Variants in PARD3B observed in about 807,000 individuals in gnomAD.
The protein encoded by PARD3B is partitioning defective 3 homolog B.
In PARD3B, 103 loss-of-function variants were observed where a neutral mutation model predicts 130.2. The ratio of observed to expected loss-of-function variants is 0.79; its 90% CI spans 0.67 to 0.93. The LOEUF is 0.93. PARD3B is among the 40% of genes least tolerant of loss of function. The pLI, the probability that PARD3B is intolerant of heterozygous loss-of-function variation, is 0.00. For missense variants in PARD3B, 1,609 were observed against 1,499.2 expected, an observed-to-expected ratio of 1.07 and a Z score of -1.21; for synonymous variants, 583 against 553.2, an observed-to-expected ratio of 1.05 and a Z score of -0.76.
intron 2 of PARD3B, among the ~76,000 whole-genome samples, chr2:204,933,010 A>G (rs769650676): frequency 1.4e-4 from 22 of 151,838 alleles, no homozygotes; most frequent in Non-Finnish European, 2.7e-4. Flanking sequence ...AAAATTCAAG[A>G]CTCCCCAGAC....
chr2:205,067,404 T>C lies in PARD3B; in HGVS notation c.504+19714T>C, dbSNP rs923468669. On this transcript the variant is annotated intron_variant, in intron 4 of 22. Transcript: ENST00000406610. ...GCCTCAAACTCCTGGCCTCAAACCA[T>C]CCTCCTGTCTTGGCCTTCCAAAGCT... Among the ~76,000 whole-genome samples, 3 of 152,202 alleles carry C rather than the reference T, an allele frequency of 2.0e-5. No homozygotes were observed. The East Asian group carries it at 5.8e-4, about 29-fold the overall frequency.
chr2:205,552,807 G>A (rs986933918), intron 21 of PARD3B, among the ~76,000 whole-genome samples: 3 of 152,042 alleles, frequency 2.0e-5, no homozygotes, highest in African/African-American at 7.2e-5. Flanking sequence ...GGGATCCAGG[G>A]ACAGAAAAAT....
At position 204,608,804 on chromosome 2, in the gene PARD3B, A is replaced by C. The variant is rs1574542547; in HGVS notation, c.120+62685A>C. ...AGTGTGATGATATTGGGGAAGCTGCAAGGGTTTTAGTCTTTAAGTTTCTCA... is the reference window on the plus strand; with the variant it reads ...AGTGTGATGATATTGGGGAAGCTGCCAGGGTTTTAGTCTTTAAGTTTCTCA... On this transcript the variant is annotated intron_variant, in intron 1 of 22. Transcript: ENST00000406610. Among the ~76,000 whole-genome samples the C allele has an allele frequency of 2.0e-5, 3 of 152,302 alleles. No homozygotes were observed. The South Asian group carries it at 6.2e-4, about 32-fold the overall frequency.
chr2:204,750,280 C>T (rs909344284), intron 2 of PARD3B, among the ~76,000 whole-genome samples: 1 of 151,950 alleles, frequency 6.6e-6, no homozygotes, highest in Non-Finnish European at 1.5e-5. Context: ...TCTCTTTTTT[C>T]TTTAAAATAT....
chr2:205,264,068 C>T (rs2040414691), intron 16 of PARD3B, among the ~76,000 whole-genome samples: 2 of 150,832 alleles, frequency 1.3e-5, no homozygotes, highest in Admixed American at 6.6e-5. Flanking sequence ...CAAAGCTGAC[C>T]TGAGACTTTG....
intron 18 of PARD3B, among the ~76,000 whole-genome samples, chr2:205,350,638 A>G (rs1473009932): frequency 6.6e-6 from 1 of 152,044 alleles, no homozygotes; most frequent in East Asian, 1.9e-4. Flanking sequence ...ACTTTTAATC[A>G]TATTTTTATG....
intron 1 of PARD3B, among the ~76,000 whole-genome samples, chr2:204,554,652 C>T (rs569714380): frequency 7.9e-5 from 12 of 151,626 alleles, no homozygotes; most frequent in South Asian, 6.3e-4. Flanking sequence ...TTTCTGCCCC[C>T]GAGACTCCCA....
chr2:205,011,808 AC>A lies in PARD3B; in HGVS notation c.395-35772del, dbSNP rs1463430195. Among the ~76,000 whole-genome samples the A allele has an allele frequency of 6.6e-6, 1 of 150,406 alleles. No individual in the cohort carries two copies. The highest frequency in any genetic ancestry group is 2.5e-5 in the African/African-American group (1 of 40,740). On this transcript the variant is annotated intron_variant, in intron 3 of 22. Transcript: ENST00000406610. The surrounding 1 kb of genome is among the most constrained non-coding windows in gnomAD (Gnocchi z 4.1). ...TTAGTTTTCTGGGTTTTTTTTTTTT[AC>A]AACCATGCATCACACTCAGCCTCTG... is the stretch of plus-strand genomic sequence containing the variant.
At position 205,301,736 on chromosome 2, in the gene PARD3B, A is replaced by AT; in HGVS notation, c.2630+39dup. The stretch of plus-strand genomic sequence containing the variant: ...TGCTTTGAAGGCAAAGTTGGTTCTC[A>AT]TTTTGTCTCTCCTGGTAAAATCACT... On this transcript the variant is annotated intron_variant, in intron 18 of 22. Transcript: ENST00000406610. This position sits in a 1 kb window ranked among gnomAD's most constrained non-coding sequence, Gnocchi z 5.2. 6.2e-7 allele frequency: 1 copy of AT among 1,613,858 alleles called. No individual in the cohort carries two copies. Among genetic ancestry groups the AT allele is most frequent in the Non-Finnish European group, 8.5e-7 (1 of 1,179,828 alleles).
At chr2:204,567,725 A>G (rs1276293479) in intron 1 of PARD3B, among the ~76,000 whole-genome samples, 1 of 152,188 alleles carries the variant, frequency 6.6e-6, no homozygotes, top group African/African-American at 2.4e-5. Flanking sequence ...TCGGGTGTAT[A>G]CCCAGAAGTA....
At chr2:205,536,118 C>T (rs191158910) in intron 21 of PARD3B, among the ~76,000 whole-genome samples, 2 of 152,202 alleles carry the variant, frequency 1.3e-5, no homozygotes, top group East Asian at 3.9e-4. Flanking sequence ...TGAGAAATGG[C>T]AGGGAGTGGG....
chr2:204,961,270 C>T (rs1157533399), intron 2 of PARD3B, among the ~76,000 whole-genome samples: 1 of 152,092 alleles, frequency 6.6e-6, no homozygotes, highest in African/African-American at 2.4e-5. Flanking sequence ...AACAAGGGAA[C>T]TAGTCAGGGG....
chr2:205,383,347 T>G (rs1310486532), intron 18 of PARD3B, among the ~76,000 whole-genome samples: 1 of 152,066 alleles, frequency 6.6e-6, no homozygotes, highest in African/African-American at 2.4e-5. Flanking sequence ...AATTATTTGT[T>G]CAACCCTCAT....
intron 2 of PARD3B, among the ~76,000 whole-genome samples, chr2:204,963,843 T>C (rs1690962472): frequency 6.6e-6 from 1 of 152,220 alleles, no homozygotes; most frequent in Admixed American, 6.5e-5. Context: ...TAGCATTTCT[T>C]TTCTGTGGCA....
intron 15 of PARD3B, among the ~76,000 whole-genome samples, chr2:205,196,723 C>T (rs1032838809): frequency 3.3e-5 from 5 of 152,026 alleles, no homozygotes; most frequent in African/African-American, 1.2e-4. Flanking sequence ...ATTGACTTCT[C>T]CGTTCTTTCC....
intron 2 of PARD3B, among the ~76,000 whole-genome samples, chr2:204,722,012 A>G (rs1320054139): frequency 1.3e-5 from 2 of 152,142 alleles, no homozygotes; most frequent in African/African-American, 2.4e-5. Context: ...AAAACACCCA[A>G]TGAATAAGTG....
At chr2:204,803,144 G>GAAA (rs67190837) in intron 2 of PARD3B, among the ~76,000 whole-genome samples, 1 of 120,142 alleles carries the variant, frequency 8.3e-6, no homozygotes, top group African/African-American at 3.2e-5. Flanking sequence ...AGTGCTGAAG[G>GAAA]AAAAAAAAAA....
At chr2:205,582,636 A>G (rs1415640195) in intron 22 of PARD3B, among the ~76,000 whole-genome samples, 3 of 152,034 alleles carry the variant, frequency 2.0e-5, no homozygotes, top group Non-Finnish European at 4.4e-5. Flanking sequence ...AACACAGAAC[A>G]AATGGAACCA....
At chr2:204,736,133 T>C (rs1453395222) in intron 2 of PARD3B, among the ~76,000 whole-genome samples, 1 of 151,562 alleles carries the variant, frequency 6.6e-6, no homozygotes, top group African/African-American at 2.4e-5. Flanking sequence ...AAAATTATGT[T>C]TCTATACAGG....
Sources: gnomAD v4.1 joint callset for allele counts (sites outside exome capture counted in the v4.1 genomes callset) on GRCh38, gnomAD v4.1.1 for gene constraint, Gnocchi (gnomAD v3.1) non-coding constraint, MANE v1.5 for transcripts, NCBI Gene and HGNC (gene_info 2026-07-23, HGNC 2026-07-21) for gene names.